GPC5: variants seen among roughly 807,000 people sequenced by gnomAD.
GPC5 encodes the protein glypican 5, also known as glypican-5.
In GPC5, 47 loss-of-function variants were observed where a neutral mutation model predicts 53.9. The ratio of observed to expected loss-of-function variants is 0.87; its 90% CI spans 0.69 to 1.11. The LOEUF is 1.11. Among genes scored for constraint, GPC5 ranks in the 50% most tolerant of loss-of-function variants. The pLI is 0.00. For synonymous variants in GPC5, 286 were observed against 263.3 expected (o/e 1.09, Z -0.84); for missense variants, 748 against 713.1 (o/e 1.05, Z -0.56).
chr13:92,517,400 C>T (rs941501600), intron 7 of GPC5, among the ~76,000 whole-genome samples: 1 of 152,164 alleles, frequency 6.6e-6, no homozygotes, highest in Non-Finnish European at 1.5e-5. Flanking sequence ...CAAGTGGGTC[C>T]CTGACTCCCA....
intron 7 of GPC5, among the ~76,000 whole-genome samples, chr13:92,163,219 G>A (rs2042003022): frequency 6.6e-6 from 1 of 152,004 alleles, no homozygotes; most frequent in Non-Finnish European, 1.5e-5. Flanking sequence ...CCCAGCACTT[G>A]AGGAGTCCGA....
chr13:92,459,209 A>G (rs1878388025), intron 7 of GPC5, among the ~76,000 whole-genome samples: 3 of 152,178 alleles, frequency 2.0e-5, no homozygotes. Context: ...ATATTACAGA[A>G]TGAATTACAC....
At chr13:91,697,310 T>C (rs1268504969) in intron 3 of GPC5, among the ~76,000 whole-genome samples, 1 of 152,062 alleles carries the variant, frequency 6.6e-6, no homozygotes, top group Non-Finnish European at 1.5e-5. Context: ...GCCCAGCTAA[T>C]TTTTGTAGTT....
At position 92,385,478 on chromosome 13, in the gene GPC5, A is replaced by G. The variant is rs1478750478; in HGVS notation, c.1561+240489A>G. On this transcript the variant is annotated intron_variant, in intron 7 of 7. Transcript: ENST00000377067. ...CATATATACACATATATACATATATACATATATACACATATATACATACAT... is the reference window on the plus strand; with the variant it reads ...CATATATACACATATATACATATATGCATATATACACATATATACATACAT... Among the ~76,000 whole-genome samples the G allele has an allele frequency of 1.6e-4, 22 of 136,698 alleles. 2 individuals carry two copies. The highest frequency in any genetic ancestry group is 2.3e-4 in the East Asian group (1 of 4,370). The allele number at this position is 136,698 out of a possible 152,430, so 89.7% of individuals were successfully genotyped here. A position where few individuals can be genotyped will look rare whatever the true frequency, so the allele number is the denominator to read the frequency against.
intron 2 of GPC5, among the ~76,000 whole-genome samples, chr13:91,540,176 CTG>C (rs2029872637): frequency 6.6e-6 from 1 of 152,186 alleles, no homozygotes; most frequent in Non-Finnish European, 1.5e-5. Context: ...GGAAGAAAGA[CTG>C]TGAAACAGCT....
chr13:92,785,134 C>T (rs537601597), intron 7 of GPC5, among the ~76,000 whole-genome samples: 7 of 151,972 alleles, frequency 4.6e-5, no homozygotes, highest in East Asian at 3.9e-4. Context: ...AAATTAGTTG[C>T]GCATGGTGGC....
chr13:92,194,130 T>C (rs918889759), intron 7 of GPC5, among the ~76,000 whole-genome samples: 4 of 152,172 alleles, frequency 2.6e-5, no homozygotes, highest in Non-Finnish European at 5.9e-5. Context: ...TATTACTTCT[T>C]TATGGCAATT....
chr13:92,293,668 A>T (rs1254509361), intron 7 of GPC5, among the ~76,000 whole-genome samples: 1 of 151,926 alleles, frequency 6.6e-6, no homozygotes, highest in Admixed American at 6.6e-5. Flanking sequence ...CCTCATTACC[A>T]ATTTGGATGC....
chr13:92,420,151 T>C (rs982454418), intron 7 of GPC5, among the ~76,000 whole-genome samples: 1 of 152,190 alleles, frequency 6.6e-6, no homozygotes, highest in Non-Finnish European at 1.5e-5. Context: ...TCTAGATATA[T>C]ATGGTATAAA....
chr13:92,118,859 A>G (rs866480583), intron 6 of GPC5, among the ~76,000 whole-genome samples: 1 of 152,222 alleles, frequency 6.6e-6, no homozygotes, highest in Non-Finnish European at 1.5e-5. Context: ...TTTTTAAATA[A>G]TTTTTAGTTG....
rs189123108 is a variant in GPC5, at chr13:92,386,910, C to A, written c.1561+241921C>A. On this transcript the variant is annotated intron_variant, in intron 7 of 7. Coordinates refer to ENST00000377067, the MANE Select transcript of GPC5 (RefSeq NM_004466.6). ...TTAGGCAGTGCATTGCTTCCTACAT[C>A]CAAATTTGAGCTTGAACATTTTGCT... Among the ~76,000 whole-genome samples the A allele has an allele frequency of 2.0e-5, 3 of 152,176 alleles. No individual in the cohort carries two copies. In the East Asian group the frequency reaches 5.8e-4, roughly 29 times the overall value.
intron 6 of GPC5, among the ~76,000 whole-genome samples, chr13:91,911,310 G>T (rs1239470933): frequency 6.6e-6 from 1 of 152,166 alleles, no homozygotes; most frequent in East Asian, 1.9e-4. Context: ...TTGGGAGGCC[G>T]AGGAGGGTGG....
At chr13:92,195,699 G>A (rs1469356463) in intron 7 of GPC5, among the ~76,000 whole-genome samples, 1 of 152,102 alleles carries the variant, frequency 6.6e-6, no homozygotes, top group African/African-American at 2.4e-5. Context: ...TATCTGGCAA[G>A]GTCAGTTTTG....
intron 2 of GPC5, among the ~76,000 whole-genome samples, chr13:91,670,261 C>A (rs574970244): frequency 6.6e-6 from 1 of 152,246 alleles, no homozygotes; most frequent in East Asian, 1.9e-4. Context: ...AGGTACATAG[C>A]AGTGTTTGGC....
At chr13:92,147,207 C>G (rs1330992911) in intron 7 of GPC5, among the ~76,000 whole-genome samples, 1 of 151,218 alleles carries the variant, frequency 6.6e-6, no homozygotes, top group African/African-American at 2.4e-5. Context: ...TTTTTTTTTA[C>G]TAAAAGCTAA....
chr13:92,645,802 G>T (rs1218910693), intron 7 of GPC5, among the ~76,000 whole-genome samples: 1 of 151,614 alleles, frequency 6.6e-6, no homozygotes, highest in Non-Finnish European at 1.5e-5. Context: ...TTTTTTATTT[G>T]TCATCGCTAT....
At chr13:91,655,527 T>C (rs2034824330) in intron 2 of GPC5, among the ~76,000 whole-genome samples, 1 of 152,078 alleles carries the variant, frequency 6.6e-6, no homozygotes. Context: ...TTTAATCATA[T>C]ATAATCATAT....
At position 92,429,471 on chromosome 13, in the gene GPC5, T is replaced by C. The variant is rs139907531; in HGVS notation, c.1561+284482T>C. On this transcript the variant is annotated intron_variant, in intron 7 of 7. Coordinates refer to ENST00000377067, the MANE Select transcript of GPC5 (RefSeq NM_004466.6). ...TTTAAATAATTTAATAATATTTCTC[T>C]ACATAATACATTCAATTTTTATAAA... 3.8e-3 allele frequency among the ~76,000 whole-genome samples: 584 copies of C among 151,980 alleles called. 6 individuals are homozygous for C. The highest frequency in any genetic ancestry group is 0.014 in the African/African-American group (566 of 41,544).
At chr13:92,330,910 T>C (rs2043283770) in intron 7 of GPC5, among the ~76,000 whole-genome samples, 1 of 152,144 alleles carries the variant, frequency 6.6e-6, no homozygotes, top group Non-Finnish European at 1.5e-5. Context: ...AACAATAACC[T>C]GCCATCCTTT....
Sources: gnomAD v4.1 joint callset for allele counts (sites outside exome capture counted in the v4.1 genomes callset) on GRCh38, gnomAD v4.1.1 for gene constraint, MANE v1.5 for transcripts, NCBI Gene and HGNC (gene_info 2026-07-23, HGNC 2026-07-21) for gene names.